LOXHD1: variants seen among roughly 807,000 people sequenced by gnomAD.
LOXHD1 encodes the protein lipoxygenase homology PLAT domains 1.
LOXHD1 carries 205 observed loss-of-function variants against 248.2 expected under a neutral mutation model. That is an observed-to-expected ratio of 0.83 (90% CI 0.74 to 0.93). The LOEUF (loss-of-function observed/expected upper bound fraction) is 0.93. Ranked by LOEUF, LOXHD1 falls within the 40% of genes least tolerant of loss-of-function variation. The pLI is 0.00. For synonymous variants in LOXHD1, 1,113 were observed against 1,162.8 expected (o/e 0.96, Z 0.87); for missense variants, 2,930 against 2,971.6 (o/e 0.99, Z 0.33).
At chr18:46,500,412 G>A (rs2034152249) in intron 37 of LOXHD1, among the ~76,000 whole-genome samples, 1 of 152,100 alleles carries the variant, frequency 6.6e-6, no homozygotes, top group African/African-American at 2.4e-5. Context: ...TCTTGTTCAG[G>A]TCTTCTCAGG....
intron 37 of LOXHD1, among the ~76,000 whole-genome samples, chr18:46,494,237 G>A (rs1598840160): frequency 6.6e-6 from 1 of 152,312 alleles, no homozygotes; most frequent in South Asian, 2.1e-4. Context: ...TTTAGGGAAT[G>A]AGAATCATAT....
Position 46,540,107 on chromosome 18 carries a change from G to A in LOXHD1, c.3913+1669C>T, listed in dbSNP as rs118178016. Among the ~76,000 whole-genome samples the A allele has an allele frequency of 4.3e-3, 648 of 152,298 alleles. 15 individuals carry two copies. Among genetic ancestry groups the A allele is most frequent in the Admixed American group, 0.037 (572 of 15,294 alleles). On this transcript the variant is annotated intron_variant, in intron 25 of 40. Coordinates refer to ENST00000642948, the MANE Select transcript of LOXHD1 (RefSeq NM_001384474.1). ...CTTTAACCCTCACAATGACTTGAGG[G>A]AGTAGGTATTATTACACTCCATTTT... is the stretch of plus-strand genomic sequence containing the variant.
At position 46,545,383 on chromosome 18, in the gene LOXHD1, C is replaced by A. The variant is rs1247606789; in HGVS notation, c.3553G>T (p.Val1185Phe). The change falls in exon 23 of 41, where the codon GTT (valine) becomes TTT (phenylalanine). Residue 1185 changes from valine to phenylalanine, a missense_variant. Coordinates refer to ENST00000642948, the MANE Select transcript of LOXHD1 (RefSeq NM_001384474.1). ...TTFSVTIKTG[V>F]KKNAGTDANV... ...GCATCTGTGCCCGCATTCTTCTTAA[C>A]CCCAGTCTTTATGGTCACTGAGAAT... The A allele has an allele frequency of 6.4e-7, 1 of 1,551,980 alleles. No homozygotes were observed. The highest frequency in any genetic ancestry group is 2.4e-5 in the East Asian group (1 of 40,906).
chr18:46,609,332 A>C (rs2038470006), intron 6 of LOXHD1, among the ~76,000 whole-genome samples: 1 of 152,212 alleles, frequency 6.6e-6, no homozygotes, highest in South Asian at 2.1e-4. Context: ...GATGAGCTGA[A>C]AAAAATAAGC....
At chr18:46,499,006 G>T (rs551086438) in intron 37 of LOXHD1, among the ~76,000 whole-genome samples, 1 of 152,294 alleles carries the variant, frequency 6.6e-6, no homozygotes, top group South Asian at 2.1e-4. Flanking sequence ...GTCTATTTAG[G>T]ATCCAGAAGC....
intron 37 of LOXHD1, among the ~76,000 whole-genome samples, chr18:46,502,620 G>A (rs2034306412): frequency 6.6e-6 from 1 of 152,192 alleles, no homozygotes; most frequent in South Asian, 2.1e-4. Context: ...GAAGGAGTCA[G>A]AACCACGGAC....
At chr18:46,607,272 T>C (rs1439780195) in intron 6 of LOXHD1, among the ~76,000 whole-genome samples, 2 of 151,310 alleles carry the variant, frequency 1.3e-5, no homozygotes, top group Non-Finnish European at 2.9e-5. Context: ...TTGTAAAATA[T>C]TGTATTCATT....
At chr18:46,593,521 A>G in intron 10 of LOXHD1, 79 bp downstream of exon 10, 2 of 1,488,836 alleles carry the variant, frequency 1.3e-6, no homozygotes, top group Non-Finnish European at 1.8e-6. Flanking sequence ...AACCTGGCTT[A>G]GAGAACCAGA....
chr18:46,496,745 G>A (rs1052428838), intron 37 of LOXHD1, among the ~76,000 whole-genome samples: 10 of 152,232 alleles, frequency 6.6e-5, no homozygotes, highest in African/African-American at 2.2e-4. Context: ...GCTTATGCCT[G>A]TAATCCCAGC....
chr18:46,596,073 C>T (rs1191545695), intron 8 of LOXHD1, among the ~76,000 whole-genome samples: 1 of 152,100 alleles, frequency 6.6e-6, no homozygotes, highest in Non-Finnish European at 1.5e-5. Context: ...TGGTTTTTAT[C>T]TCAGGATTTT....
intron 34 of LOXHD1, among the ~76,000 whole-genome samples, chr18:46,513,651 G>T (rs1380870951): frequency 6.6e-6 from 1 of 152,236 alleles, no homozygotes. Context: ...TTCTCTCCCA[G>T]AGCCTGCAGG....
In LOXHD1 at chr18:46,618,382, C is replaced by G. The variant is rs940157403; in HGVS notation, c.512-92G>C. 16 of 799,402 alleles carry G rather than the reference C, an allele frequency of 2.0e-5. No individual in the cohort carries two copies. In the Middle Eastern group the frequency reaches 3.4e-3, roughly 172 times the overall value. The allele number at this position is 799,402 out of a possible 1,614,324, so 49.5% of individuals were successfully genotyped here. A position where few individuals can be genotyped will look rare whatever the true frequency, so the allele number is the denominator to read the frequency against. ...GTAGCTACCACACCATCTACACTTA[C>G]CCCCAGCAATGCATAAATTGTCACC... is the stretch of plus-strand genomic sequence containing the variant. On this transcript the variant is annotated intron_variant, in intron 4 of 40. Coordinates refer to ENST00000642948, the MANE Select transcript of LOXHD1 (RefSeq NM_001384474.1).
chr18:46,519,695 T>C (rs1598902646), intron 33 of LOXHD1, among the ~76,000 whole-genome samples: 2 of 152,202 alleles, frequency 1.3e-5, no homozygotes, highest in African/African-American at 4.8e-5. Context: ...AGCTGCCCCA[T>C]GGAGACTGGC....
chr18:46,648,980 G>A (rs1351071496), intron 2 of LOXHD1, among the ~76,000 whole-genome samples, 175 bp downstream of exon 2: 1 of 152,240 alleles, frequency 6.6e-6, no homozygotes, highest in Non-Finnish European at 1.5e-5. Flanking sequence ...TGAGGGAGGT[G>A]CACCGGGGGA....
At chr18:46,506,044 G>A in intron 36 of LOXHD1, 21 bp from the exon 37 acceptor site, 1 of 1,551,080 alleles carries the variant, frequency 6.4e-7, no homozygotes, top group South Asian at 1.2e-5. Flanking sequence ...CACAAGGTGA[G>A]GCTTAGGGTG....
chr18:46,606,332 G>GTA (rs201318172), intron 6 of LOXHD1, among the ~76,000 whole-genome samples: 1,884 of 140,202 alleles, frequency 0.013, 16 homozygotes, highest in African/African-American at 0.022. Flanking sequence ...ATAGTATACT[G>GTA]TATATATATA....
Position 46,657,167 on chromosome 18 carries a change from G to T in LOXHD1, c.-134C>A. The stretch of plus-strand genomic sequence containing the variant: ...AGCTCAGGCCTGGGTGGGCCAGAGT[G>T]CCCCGTTTTCTTGGCTTCCCCGTGC... On this transcript the variant is annotated 5_prime_UTR_variant, in exon 1 of 41. Transcript: ENST00000642948. The T allele has an allele frequency of 7.0e-7, 1 of 1,432,954 alleles. No individual in the cohort carries two copies. Among genetic ancestry groups the T allele is most frequent in the Non-Finnish European group, 9.3e-7 (1 of 1,070,066 alleles). The allele number at this position is 1,432,954 out of a possible 1,614,324, so 88.8% of individuals were successfully genotyped here.
chr18:46,626,540 AAAAT>A (rs1184477934), intron 4 of LOXHD1, among the ~76,000 whole-genome samples: 2 of 152,256 alleles, frequency 1.3e-5, no homozygotes, highest in African/African-American at 4.8e-5. Context: ...GCCATCTCAA[AAAAT>A]AAATAAATAT....
At chr18:46,505,703 G>A in intron 37 of LOXHD1, 135 bp downstream of exon 37, 1 of 848,710 alleles carries the variant, frequency 1.2e-6, no homozygotes. Context: ...GCATCAATGT[G>A]GTGGTCATCA....
Sources: gnomAD v4.1 joint callset for allele counts (sites outside exome capture counted in the v4.1 genomes callset) on GRCh38, gnomAD v4.1.1 for gene constraint, MANE v1.5 for transcripts, NCBI Gene and HGNC (gene_info 2026-07-23, HGNC 2026-07-21) for gene names.